Variants in MACROD2 observed in about 807,000 individuals in gnomAD.
MACROD2 encodes ADP-ribose glycohydrolase MACROD2.
A neutral mutation model predicts 70.4 loss-of-function variants in MACROD2; 36 were observed. The observed-to-expected ratio is 0.51, with a 90% CI of 0.39 to 0.68. The LOEUF is 0.68. MACROD2 is among the 30% of genes least tolerant of loss of function. The probability of loss-of-function intolerance (pLI) is 0.00; values close to 1 mark genes in which losing one functional copy is unlikely to be tolerated. For missense variants in MACROD2, 496 were observed against 538.4 expected, an observed-to-expected ratio of 0.92 and a Z score of 0.78; for synonymous variants, 172 against 178.8, an observed-to-expected ratio of 0.96 and a Z score of 0.30.
chr20:15,415,643 C>T (rs1488089579), intron 6 of MACROD2, among the ~76,000 whole-genome samples: 2 of 152,174 alleles, frequency 1.3e-5, no homozygotes, highest in Non-Finnish European at 2.9e-5. Flanking sequence ...AAATTCATCA[C>T]TTTGTGAAAT....
Position 14,915,654 on chromosome 20 carries a change from A to G in MACROD2, c.418+230695A>G, listed in dbSNP as rs1256496732. The stretch of plus-strand genomic sequence containing the variant: ...AGGCCGCCCAGTGCCAAGGGTAACT[A>G]CTGGCACCTGCACTGACAGCAAGCA... On this transcript the variant is annotated intron_variant, in intron 5 of 17. Coordinates refer to ENST00000684519, the MANE Select transcript of MACROD2 (RefSeq NM_001351661.2). 2.0e-5 allele frequency among the ~76,000 whole-genome samples: 3 copies of G among 152,206 alleles called. No homozygotes were observed. In the East Asian group the frequency reaches 5.8e-4, roughly 29 times the overall value.
chr20:15,427,071 G>A (rs942856918), intron 6 of MACROD2, among the ~76,000 whole-genome samples: 1 of 152,100 alleles, frequency 6.6e-6, no homozygotes, highest in African/African-American at 2.4e-5. Context: ...AGTAGGCTTA[G>A]TTTAGATGAA....
chr20:15,939,201 A>T (rs1006290977), intron 12 of MACROD2, among the ~76,000 whole-genome samples: 1 of 152,232 alleles, frequency 6.6e-6, no homozygotes, highest in Non-Finnish European at 1.5e-5. Flanking sequence ...TACACTAAGC[A>T]ACAGATTTTC....
intron 8 of MACROD2, among the ~76,000 whole-genome samples, chr20:15,723,126 A>T (rs1365462669): frequency 1.3e-5 from 2 of 152,096 alleles, no homozygotes; most frequent in Non-Finnish European, 2.9e-5. Context: ...AAAAGAAAAA[A>T]CTTTATTTTT....
chr20:14,117,678 T>C (rs1648146669), intron 3 of MACROD2, among the ~76,000 whole-genome samples: 2 of 152,214 alleles, frequency 1.3e-5, no homozygotes, highest in Admixed American at 1.3e-4. Context: ...GACTCTTCAT[T>C]TCCTTTGGAA....
rs576127775 is a variant in MACROD2 at position 15,904,232 on chromosome 20, T to C, written c.775+18421T>C. 2.0e-5 allele frequency among the ~76,000 whole-genome samples: 3 copies of C among 152,220 alleles called. No individual in the cohort carries two copies. The East Asian group carries it at 5.8e-4, about 30-fold the overall frequency. ...CAGGGTCTCACTATGTTGCTGAGGCTGGTCTCGAACTTCTGAACTCAAGCG... is the reference window on the plus strand; with the variant it reads ...CAGGGTCTCACTATGTTGCTGAGGCCGGTCTCGAACTTCTGAACTCAAGCG... On this transcript the variant is annotated intron_variant, in intron 10 of 17. Coordinates refer to ENST00000684519, the MANE Select transcript of MACROD2 (RefSeq NM_001351661.2).
At chr20:14,193,854 G>A (rs1324068189) in intron 3 of MACROD2, among the ~76,000 whole-genome samples, 1 of 152,186 alleles carries the variant, frequency 6.6e-6, no homozygotes, top group African/African-American at 2.4e-5. Flanking sequence ...ATGGATCTTA[G>A]TTGAGGCCAA....
intron 6 of MACROD2, among the ~76,000 whole-genome samples, chr20:15,417,317 A>G (rs1414884260): frequency 2.0e-5 from 3 of 150,612 alleles, no homozygotes; most frequent in South Asian, 2.1e-4. Context: ...TGGGCCAGAT[A>G]TGGGGGTTCA....
intron 3 of MACROD2, among the ~76,000 whole-genome samples, chr20:14,368,559 C>T (rs1295167845): frequency 2.6e-5 from 4 of 151,634 alleles, no homozygotes; most frequent in African/African-American, 9.7e-5. Flanking sequence ...AAAACACACA[C>T]ACACAAAACT....
intron 3 of MACROD2, among the ~76,000 whole-genome samples, chr20:14,377,142 G>T (rs2083379468): frequency 6.6e-6 from 1 of 152,094 alleles, no homozygotes; most frequent in Non-Finnish European, 1.5e-5. Flanking sequence ...GTCAATCTCA[G>T]AGTGCTTGTG....
intron 2 of MACROD2, among the ~76,000 whole-genome samples, chr20:14,043,920 T>C (rs1043220529): frequency 6.6e-6 from 1 of 152,230 alleles, no homozygotes; most frequent in African/African-American, 2.4e-5. Flanking sequence ...CTGTGTCATC[T>C]ATCTTTCACA....
At chr20:15,027,415 C>T (rs1002762116) in intron 5 of MACROD2, among the ~76,000 whole-genome samples, 2 of 151,984 alleles carry the variant, frequency 1.3e-5, no homozygotes, top group Non-Finnish European at 2.9e-5. Flanking sequence ...ATCACTGTGG[C>T]GATATGAGTG....
intron 7 of MACROD2, among the ~76,000 whole-genome samples, chr20:15,463,376 C>T (rs1036016047): frequency 6.6e-6 from 1 of 152,144 alleles, no homozygotes; most frequent in Non-Finnish European, 1.5e-5. Context: ...CTATGTGGAC[C>T]ACTTGACTCC....
At chr20:14,668,649 A>G (rs2070762134) in intron 4 of MACROD2, among the ~76,000 whole-genome samples, 1 of 152,230 alleles carries the variant, frequency 6.6e-6, no homozygotes, top group Non-Finnish European at 1.5e-5. Flanking sequence ...AATATTTTAA[A>G]TGAGTACATG....
intron 3 of MACROD2, among the ~76,000 whole-genome samples, chr20:14,393,538 C>T (rs2083549867): frequency 1.3e-5 from 2 of 152,122 alleles, no homozygotes. Flanking sequence ...TGCGTAATAT[C>T]TGCTCTTTCA....
intron 5 of MACROD2, among the ~76,000 whole-genome samples, chr20:14,811,068 C>G (rs2122173932): frequency 6.6e-6 from 1 of 152,128 alleles, no homozygotes; most frequent in South Asian, 2.1e-4. Context: ...TGGCTTTCTT[C>G]ACAGAATTAG....
chr20:15,930,303 G>A (rs1361667824), intron 10 of MACROD2, among the ~76,000 whole-genome samples: 1 of 152,166 alleles, frequency 6.6e-6, no homozygotes, highest in Non-Finnish European at 1.5e-5. Flanking sequence ...AATGTGCCTT[G>A]CTTTTTCTAC....
chr20:14,960,177 A>G (rs989468814), intron 5 of MACROD2, among the ~76,000 whole-genome samples: 1 of 152,136 alleles, frequency 6.6e-6, no homozygotes, highest in African/African-American at 2.4e-5. Context: ...TAATCCCTCT[A>G]CAGCCCTTTG....
intron 8 of MACROD2, among the ~76,000 whole-genome samples, chr20:15,784,912 G>C (rs2051895302): frequency 6.6e-6 from 1 of 152,044 alleles, no homozygotes; most frequent in Non-Finnish European, 1.5e-5. Flanking sequence ...ACTTTGGGAG[G>C]CCAAGATGGG....
Sources: gnomAD v4.1 joint callset for allele counts (sites outside exome capture counted in the v4.1 genomes callset) on GRCh38, gnomAD v4.1.1 for gene constraint, MANE v1.5 for transcripts, NCBI Gene and HGNC (gene_info 2026-07-23, HGNC 2026-07-21) for gene names.